NINJ2: variants seen among roughly 807,000 people sequenced by gnomAD.
NINJ2 encodes ninjurin 2.
A neutral mutation model predicts 11.7 loss-of-function variants in NINJ2; 12 were observed. The observed-to-expected ratio is 1.02, with a 90% CI of 0.66 to 1.66. The LOEUF is 1.66. Among genes scored for constraint, NINJ2 ranks in the 40% most tolerant of loss-of-function variants. The pLI is 0.00. For missense variants in NINJ2, 187 were observed against 181.8 expected, an observed-to-expected ratio of 1.03 and a Z score of -0.16; for synonymous variants, 93 against 76.8, an observed-to-expected ratio of 1.21 and a Z score of -1.10.
At chr12:620,002 G>A (rs924136036) in intron 1 of NINJ2, among the ~76,000 whole-genome samples, 1 of 152,182 alleles carries the variant, frequency 6.6e-6, no homozygotes, top group African/African-American at 2.4e-5. Context: ...CATGGCAGCC[G>A]TGTCATGGCT....
intron 1 of NINJ2, among the ~76,000 whole-genome samples, chr12:626,462 G>A (rs1280431451): frequency 1.3e-5 from 2 of 152,140 alleles, no homozygotes; most frequent in East Asian, 1.9e-4. Context: ...TCTCTCTACC[G>A]CAGGGCCTGA....
At chr12:629,491 T>C (rs12370938) in intron 1 of NINJ2, among the ~76,000 whole-genome samples, 10,770 of 152,246 alleles carry the variant, frequency 0.071, 494 homozygotes, top group Middle Eastern at 0.12. Context: ...CAAAACTTCA[T>C]GACAGTCCAG....
Position 566,117 on chromosome 12 carries a change from CTCT to C in NINJ2, c.92_94del (p.Lys31del), listed in dbSNP as rs1947298240. 2.5e-6 allele frequency: 4 copies of C among 1,614,094 alleles called. No individual in the cohort carries two copies. Among genetic ancestry groups the C allele is most frequent in the African/African-American group, 1.3e-5 (1 of 74,928 alleles). ...CACGTCCAGCATGCTCTCCGCCACGCTCTTCTTGGTGGCGTAATGGTTCAGGTT... is the reference window on the plus strand; with the variant it reads ...CACGTCCAGCATGCTCTCCGCCACGCTCTTGGTGGCGTAATGGTTCAGGTT... On this transcript the variant is annotated inframe_deletion, in exon 2 of 4. Coordinates refer to ENST00000305108, the MANE Select transcript of NINJ2 (RefSeq NM_016533.6).
At position 591,021 on chromosome 12, in the gene NINJ2, G is replaced by C. The variant is rs1947708946; in HGVS notation, c.34-24843C>G. The C allele has an allele frequency of 6.7e-6, 1 of 149,394 alleles. No individual in the cohort carries two copies. The highest frequency in any genetic ancestry group is 2.5e-5 in the African/African-American group (1 of 40,330). The allele number at this position is 149,394 out of a possible 1,614,324, so 9.3% of individuals were successfully genotyped here. A position where few individuals can be genotyped will look rare whatever the true frequency, so the allele number is the denominator to read the frequency against. On this transcript the variant is annotated intron_variant, in intron 1 of 3. Transcript: ENST00000305108. This position sits in a 1 kb window ranked among gnomAD's most constrained non-coding sequence, Gnocchi z 5.0. ...CAGGACACTAGCACTTACTATCAAG[G>C]TTATAGGGAGGCTGATGCTTACAGC... is the stretch of plus-strand genomic sequence containing the variant.
intron 1 of NINJ2, among the ~76,000 whole-genome samples, chr12:601,782 C>T (rs1947877677): frequency 1.3e-5 from 2 of 150,770 alleles, no homozygotes; most frequent in East Asian, 4.0e-4. Flanking sequence ...AGGAGAATCA[C>T]TTGAACCTGG....
intron 1 of NINJ2, among the ~76,000 whole-genome samples, chr12:634,754 T>A (rs1301121906): frequency 1.3e-5 from 2 of 152,202 alleles, no homozygotes; most frequent in African/African-American, 2.4e-5. Context: ...TAAATGCTCA[T>A]CTGAAAATTG....
rs1037915247 is a variant in NINJ2, at chr12:640,023, T to C, written c.33+23305A>G. On this transcript the variant is annotated intron_variant, in intron 1 of 3. Coordinates refer to ENST00000305108, the MANE Select transcript of NINJ2 (RefSeq NM_016533.6). The surrounding 1 kb of genome is among the most constrained non-coding windows in gnomAD (Gnocchi z 4.0). Reference sequence around the variant, plus strand: ...GAATAGTGTATTGGAGATGACACGGTGTTTAGTGCTGTTTCAGGTTAAGTC... The same window carrying C: ...GAATAGTGTATTGGAGATGACACGGCGTTTAGTGCTGTTTCAGGTTAAGTC... Among the ~76,000 whole-genome samples, 6 of 152,178 alleles carry C rather than the reference T, an allele frequency of 3.9e-5. No homozygotes were observed. The highest frequency in any genetic ancestry group is 1.4e-4 in the African/African-American group (6 of 41,434).
intron 1 of NINJ2, chr12:643,564 A>G (rs1937626820): frequency 3.0e-6 from 3 of 987,986 alleles, no homozygotes; most frequent in Non-Finnish European, 3.6e-6. Flanking sequence ...TCGTCATTTT[A>G]GGGCTGGAGA....
chr12:582,630 A>T (rs866631404), intron 1 of NINJ2, among the ~76,000 whole-genome samples: 77 of 31,072 alleles, frequency 2.5e-3, no homozygotes, highest in East Asian at 4.6e-3. Flanking sequence ...GGCATGCTAG[A>T]GTGAATGAAT....
In NINJ2 at chr12:611,306, T is replaced by C. The variant is rs868456550; in HGVS notation, c.34-45128A>G. 1.0e-4 allele frequency among the ~76,000 whole-genome samples: 15 copies of C among 150,076 alleles called. No individual in the cohort carries two copies. The East Asian group carries it at 2.4e-3, about 24-fold the overall frequency. On this transcript the variant is annotated intron_variant, in intron 1 of 3. Transcript: ENST00000305108. ...CTTTCTTTCTCTTCCTTCCTTCCTTTCTTTCTCTCTCTCTCTCTTTCTTTC... is the reference window on the plus strand; with the variant it reads ...CTTTCTTTCTCTTCCTTCCTTCCTTCCTTTCTCTCTCTCTCTCTTTCTTTC...
intron 1 of NINJ2, among the ~76,000 whole-genome samples, chr12:594,684 T>G (rs1213319908): frequency 6.6e-6 from 1 of 152,092 alleles, no homozygotes; most frequent in Non-Finnish European, 1.5e-5. Flanking sequence ...ACAAAACAAC[T>G]GAATAAATAG....
At chr12:623,804 C>T (rs1383831647) in intron 1 of NINJ2, among the ~76,000 whole-genome samples, 1 of 152,168 alleles carries the variant, frequency 6.6e-6, no homozygotes, top group Admixed American at 6.5e-5. Context: ...GAGGCTGAGG[C>T]AGAAGGATCG....
At chr12:588,694 A>G (rs1039202793) in intron 1 of NINJ2, among the ~76,000 whole-genome samples, 2 of 152,202 alleles carry the variant, frequency 1.3e-5, no homozygotes, top group Non-Finnish European at 2.9e-5. Context: ...CGGGGGGAAC[A>G]CTGCTGCACA....
chr12:641,383 T>C (rs980540565), intron 1 of NINJ2, among the ~76,000 whole-genome samples: 3 of 150,726 alleles, frequency 2.0e-5, no homozygotes, highest in Admixed American at 6.6e-5. Context: ...TGGGTTCCAG[T>C]TGGAGAGTCT....
At chr12:572,982 G>A (rs1288346386) in intron 1 of NINJ2, among the ~76,000 whole-genome samples, 9 of 145,570 alleles carry the variant, frequency 6.2e-5, no homozygotes, top group South Asian at 2.2e-4. Flanking sequence ...TCAGCCTCCC[G>A]AGTAGCTGGG....
intron 1 of NINJ2, among the ~76,000 whole-genome samples, chr12:589,783 C>G (rs2120868677): frequency 6.6e-6 from 1 of 152,222 alleles, no homozygotes; most frequent in South Asian, 2.1e-4. Flanking sequence ...GAGACGAATC[C>G]ATATGGCTCC....
intron 2 of NINJ2, chr12:565,689 G>GT: frequency 1.6e-6 from 1 of 616,900 alleles, no homozygotes; most frequent in Non-Finnish European, 2.9e-6. Context: ...TGAGTTAGCA[G>GT]TTAGCGAGGT....
At chr12:613,698 G>A (rs888534365) in intron 1 of NINJ2, among the ~76,000 whole-genome samples, 2 of 152,138 alleles carry the variant, frequency 1.3e-5, no homozygotes, top group Non-Finnish European at 2.9e-5. Flanking sequence ...GAGGTCAGGA[G>A]ATCAAGACCA....
At chr12:635,040 C>T (rs1948332199) in intron 1 of NINJ2, among the ~76,000 whole-genome samples, 1 of 151,746 alleles carries the variant, frequency 6.6e-6, no homozygotes, top group African/African-American at 2.4e-5. Flanking sequence ...TCACTACACC[C>T]AGTCCCCATA....
Sources: allele counts gnomAD v4.1 joint callset (sites outside exome capture counted in the v4.1 genomes callset), GRCh38; gene constraint gnomAD v4.1.1; non-coding constraint Gnocchi (gnomAD v3.1); transcripts MANE v1.5; gene names NCBI Gene and HGNC (gene_info 2026-07-23, HGNC 2026-07-21).